PPP1CB: variants seen among roughly 807,000 people sequenced by gnomAD.
The protein encoded by PPP1CB is protein phosphatase 1 catalytic subunit beta.
Under a neutral mutation model 43.7 loss-of-function variants are expected in PPP1CB, and 2 were observed. That is an observed-to-expected ratio of 0.05 (90% confidence interval 0.02 to 0.14). The LOEUF (loss-of-function observed/expected upper bound fraction) is 0.14. Ranked by LOEUF, PPP1CB falls within the 10% of genes least tolerant of loss-of-function variation. The pLI is 1.00. For missense variants in PPP1CB, 84 were observed against 398.0 expected (o/e 0.21, Z 6.71); for synonymous variants, 136 against 135.6 (o/e 1.00, Z -0.02).
intron 7 of PPP1CB, among the ~76,000 whole-genome samples, chr2:28,795,787 CTTTAG>C (rs1667486042): frequency 1.3e-5 from 2 of 152,062 alleles, no homozygotes; most frequent in African/African-American, 4.8e-5. Context: ...TGCAGAAGCT[CTTTAG>C]TTTATTTTGG....
At chr2:28,775,482 A>G (rs1037654549) in intron 1 of PPP1CB, among the ~76,000 whole-genome samples, 1 of 152,064 alleles carries the variant, frequency 6.6e-6, no homozygotes, top group African/African-American at 2.4e-5. Flanking sequence ...ATCATAGCTC[A>G]CTGCAGCCTC....
Position 28,776,762 on chromosome 2 carries a change from CTGATTTTTA to C in PPP1CB, c.53-88_53-80del, listed in dbSNP as rs1453901269. 13 of 1,294,914 alleles carry C rather than the reference CTGATTTTTA, an allele frequency of 1.0e-5. No homozygotes were observed. The African/African-American group carries it at 1.8e-4, about 18-fold the overall frequency. 80.2% of individuals were successfully genotyped at this position (1,294,914 alleles called of 1,614,324 possible). Reference sequence around the variant, plus strand: ...GTAATTTGCTGCCTGTGTGACTTTTCTGATTTTTAAAGTATGGGCATGACTCTTTTTGAA... The same window carrying C: ...GTAATTTGCTGCCTGTGTGACTTTTCAAGTATGGGCATGACTCTTTTTGAA... On this transcript the variant is annotated intron_variant, in intron 1 of 7. Transcript: ENST00000395366.
At position 28,776,861 on chromosome 2, in the gene PPP1CB, T is replaced by C. The variant is rs1667055525; in HGVS notation, c.63T>C (p.Cys21=). ...TTTATCGTTTGTCAGTACGAGGATG[T>C]CGTCCAGGAAAGATTGTGCAGATGA... ...LITRLLEVRG[C]RPGKIVQMTE... Residue 21 remains cysteine (C), a synonymous_variant, in exon 2 of 8, where the codon TGT becomes TGC. Transcript: ENST00000395366. 4 of 1,610,198 alleles carry C rather than the reference T, an allele frequency of 2.5e-6. No individual in the cohort carries two copies. The South Asian group carries it at 4.4e-5, about 18-fold the overall frequency.
intron 1 of PPP1CB, among the ~76,000 whole-genome samples, chr2:28,774,327 A>G (rs1053234780): frequency 2.2e-4 from 33 of 152,266 alleles, no homozygotes; most frequent in African/African-American, 7.9e-4. Context: ...TACACAGTAG[A>G]CTCTCAAACA....
intron 7 of PPP1CB, among the ~76,000 whole-genome samples, chr2:28,798,830 T>C (rs780572581): frequency 6.6e-6 from 1 of 152,072 alleles, no homozygotes; most frequent in Non-Finnish European, 1.5e-5. Context: ...GTCTGAAGGG[T>C]TTGTGACTTG....
intron 7 of PPP1CB, among the ~76,000 whole-genome samples, chr2:28,798,225 C>T (rs534917744): frequency 2.6e-5 from 4 of 152,040 alleles, no homozygotes; most frequent in Non-Finnish European, 5.9e-5. Context: ...TTTACATCCA[C>T]CAGAATGAGT....
At chr2:28,756,175 A>C (rs536947173) in intron 1 of PPP1CB, among the ~76,000 whole-genome samples, 2 of 152,348 alleles carry the variant, frequency 1.3e-5, no homozygotes, top group South Asian at 4.1e-4. Context: ...TTGCTGTGTG[A>C]TAGAAAAGTT....
rs5830089 is a variant in PPP1CB at position 28,788,471 on chromosome 2, TTGTA to T, written c.593-184_593-181del. 0.41 allele frequency among the ~76,000 whole-genome samples: 62,154 copies of T among 151,802 alleles called. 13,594 individuals carry two copies. Among genetic ancestry groups the T allele is most frequent in the Non-Finnish European group, 0.5 (34,178 of 67,850 alleles). On this transcript the variant is annotated intron_variant, in intron 5 of 7. Transcript: ENST00000395366. ...CTTAAGAGGCCATGGAAGATTATAT[TTGTA>T]TGGTTTGTATGGTTGCTTTAACAAA...
chr2:28,753,081 C>A (rs947773825), intron 1 of PPP1CB, among the ~76,000 whole-genome samples: 1 of 152,180 alleles, frequency 6.6e-6, no homozygotes, highest in Admixed American at 6.5e-5. Context: ...TGTATTGATT[C>A]ATTGCAGGAT....
Position 28,757,525 on chromosome 2 carries a change from G to C in PPP1CB, c.52+5349G>C, listed in dbSNP as rs115618469. Among the ~76,000 whole-genome samples, 850 of 152,296 alleles carry C rather than the reference G, an allele frequency of 5.6e-3. 6 individuals are homozygous for C. The highest frequency in any genetic ancestry group is 9.1e-3 in the Non-Finnish European group (616 of 68,038). Reference sequence around the variant, plus strand: ...CAGCAACCTAAAGGTTAGGTGGTTGGAAAGAAGTGTCAGTTGTTGCCGACA... The same window carrying C: ...CAGCAACCTAAAGGTTAGGTGGTTGCAAAGAAGTGTCAGTTGTTGCCGACA... On this transcript the variant is annotated intron_variant, in intron 1 of 7. Transcript: ENST00000395366.
chr2:28,777,020 A>AT, intron 2 of PPP1CB, 38 bp downstream of exon 2: 1 of 1,591,494 alleles, frequency 6.3e-7, no homozygotes, highest in African/African-American at 1.3e-5. Flanking sequence ...ACTCTTTTGA[A>AT]TCATGTTTTT....
At chr2:28,783,597 A>G (rs369926021) in intron 4 of PPP1CB, among the ~76,000 whole-genome samples, 60 of 152,212 alleles carry the variant, frequency 3.9e-4, no homozygotes, top group African/African-American at 1.4e-3. Context: ...CTCTACTAAA[A>G]ATACAAAAAA....
At chr2:28,769,289 T>A (rs547229084) in intron 1 of PPP1CB, among the ~76,000 whole-genome samples, 39 of 152,268 alleles carry the variant, frequency 2.6e-4, no homozygotes, top group Non-Finnish European at 4.4e-4. Context: ...AGGCTTGGAG[T>A]GCAATGGCGT....
intron 4 of PPP1CB, chr2:28,782,735 C>T (rs1320498497): frequency 2.0e-5 from 3 of 152,074 alleles, no homozygotes; most frequent in South Asian, 2.1e-4. Context: ...ATTTAATAAC[C>T]GTATTGGGTT....
At chr2:28,764,108 T>A (rs1424055822) in intron 1 of PPP1CB, among the ~76,000 whole-genome samples, 1 of 151,190 alleles carries the variant, frequency 6.6e-6, no homozygotes, top group Non-Finnish European at 1.5e-5. Flanking sequence ...TAGAGAAAGA[T>A]GGGGAGGAAA....
rs1174112437 is a variant in PPP1CB at position 28,783,900 on chromosome 2, T to C, written c.521-7T>C. Reference sequence around the variant, plus strand: ...GTTAGTACTATGTCTCATCTTTTTATTTATAGGATTGTCACCAGACCTGCA... The same window carrying C: ...GTTAGTACTATGTCTCATCTTTTTACTTATAGGATTGTCACCAGACCTGCA... On this transcript the variant is annotated splice_region_variant and splice_polypyrimidine_tract_variant and intron_variant, in intron 4 of 7. Coordinates refer to ENST00000395366, the MANE Select transcript of PPP1CB (RefSeq NM_002709.3). The C allele has an allele frequency of 1.2e-6, 2 of 1,605,850 alleles. No individual in the cohort carries two copies. Among genetic ancestry groups the C allele is most frequent in the Admixed American group, 3.3e-5 (2 of 59,810 alleles).
chr2:28,798,706 GAC>G (rs1449125259), intron 7 of PPP1CB, among the ~76,000 whole-genome samples: 1 of 152,050 alleles, frequency 6.6e-6, no homozygotes, highest in Non-Finnish European at 1.5e-5. Flanking sequence ...AATGGGGAGT[GAC>G]TGCTGATGGG....
chr2:28,758,735 TGA>T (rs1666548237), intron 1 of PPP1CB, among the ~76,000 whole-genome samples: 1 of 152,214 alleles, frequency 6.6e-6, no homozygotes, highest in Non-Finnish European at 1.5e-5. Context: ...CAGTGATTTG[TGA>T]GAGTATGTAT....
intron 7 of PPP1CB, among the ~76,000 whole-genome samples, chr2:28,797,577 T>C (rs558704236): frequency 5.4e-4 from 82 of 152,214 alleles, no homozygotes; most frequent in Non-Finnish European, 1.0e-3. Flanking sequence ...TGGGAGCGCA[T>C]GTGTGTTTTT....
Sources: gnomAD v4.1 joint callset for allele counts (sites outside exome capture counted in the v4.1 genomes callset) on GRCh38, gnomAD v4.1.1 for gene constraint, MANE v1.5 for transcripts, NCBI Gene and HGNC (gene_info 2026-07-23, HGNC 2026-07-21) for gene names.